Variants in CRMP1 observed in about 807,000 individuals in gnomAD.
CRMP1 encodes the protein collapsin response mediator protein 1, also known as dihydropyrimidinase-related protein 1.
Under a neutral mutation model 68.3 loss-of-function variants are expected in CRMP1, and 19 were observed. The ratio of observed to expected loss-of-function variants is 0.28; its 90% CI spans 0.19 to 0.41. The LOEUF is 0.41. Ranked by LOEUF, CRMP1 falls within the 10% of genes least tolerant of loss-of-function variation. The pLI, the probability that CRMP1 is intolerant of heterozygous loss-of-function variation, is 1.00. For synonymous variants in CRMP1, 439 were observed against 399.6 expected, an observed-to-expected ratio of 1.10 and a Z score of -1.18; for missense variants, 791 against 967.4, an observed-to-expected ratio of 0.82 and a Z score of 2.42.
At position 5,839,624 on chromosome 4, in the gene CRMP1, T is replaced by C. The variant is rs775497450; in HGVS notation, c.1208A>G (p.His403Arg). 6.2e-7 allele frequency: 1 copy of C among 1,613,228 alleles called. No homozygotes were observed. The stretch of plus-strand genomic sequence containing the variant: ...CTTGGCCCAGTTCTTGCTCCAGTAA[T>C]GGGTGCCATCGGTCCCCAGGCTGGC... ...IAASLGTDGT[H>R]YWSKNWAKAA... is the part of the protein sequence containing the mutation. Residue 403 changes from histidine (H) to arginine (R), a missense_variant, in exon 9 of 14, where the codon CAT becomes CGT. Around this residue, in one of 3 missense-constraint regions of CRMP1, gnomAD observed 594 missense variants for 763.6 expected, o/e 0.78. Coordinates refer to ENST00000324989, the MANE Select transcript of CRMP1 (RefSeq NM_001014809.3).
intron 1 of CRMP1, among the ~76,000 whole-genome samples, chr4:5,874,162 A>C (rs951955074): frequency 1.3e-5 from 2 of 152,206 alleles, no homozygotes; most frequent in South Asian, 2.1e-4. Flanking sequence ...AATATCCAAA[A>C]CAGGGTCACA....
rs114088227 is a variant in CRMP1 at position 5,825,998 on chromosome 4, C to A, written c.1804-339G>T. 8.6e-6 allele frequency: 3 copies of A among 347,896 alleles called. No individual in the cohort carries two copies. Among genetic ancestry groups the A allele is most frequent in the Non-Finnish European group, 1.6e-5 (3 of 193,122 alleles). The allele number at this position is 347,896 out of a possible 1,614,324, so 21.6% of individuals were successfully genotyped here. ...AAACAGGCCTACACAGTAGCATACA[C>A]GCGTGAACACGCACACACACTTAAA... On this transcript the variant is annotated intron_variant, in intron 12 of 13. Coordinates refer to ENST00000324989, the MANE Select transcript of CRMP1 (RefSeq NM_001014809.3). This position sits in a 1 kb window ranked among gnomAD's most constrained non-coding sequence, Gnocchi z 4.4.
At position 5,851,433 on chromosome 4, in the gene CRMP1, T is replaced by C. The variant is rs1277243766; in HGVS notation, c.857A>G (p.Asp286Gly). The change falls in exon 5 of 14, where the codon GAT becomes GGT. Residue 286 changes from aspartate (D) to glycine (G), a missense_variant. Coordinates refer to ENST00000324989, the MANE Select transcript of CRMP1 (RefSeq NM_001014809.3). ...NSFQVYMAYK[D>G]VYQMSDSQLY... The stretch of plus-strand genomic sequence containing the variant: ...CTGGCTGTCGGACATTTGGTAGACA[T>C]CCTTATAGGCCATGTAGACTTGGAA... The C allele has an allele frequency of 1.3e-5, 21 of 1,614,086 alleles. No homozygotes were observed. Among genetic ancestry groups the C allele is most frequent in the Admixed American group, 3.3e-5 (2 of 60,008 alleles).
intron 13 of CRMP1, chr4:5,824,653 A>G (rs1274133788): frequency 1.1e-6 from 1 of 935,548 alleles, no homozygotes; most frequent in Admixed American, 6.3e-5. Flanking sequence ...GCTATTGAAT[A>G]TAACATCCTA....
intron 2 of CRMP1, among the ~76,000 whole-genome samples, chr4:5,864,776 A>G (rs540256929): frequency 2.0e-5 from 3 of 152,270 alleles, no homozygotes; most frequent in African/African-American, 7.2e-5. Context: ...GGACAGGGGA[A>G]AAGGTGTTCC....
intron 2 of CRMP1, among the ~76,000 whole-genome samples, chr4:5,863,233 C>G (rs1713721496): frequency 6.6e-6 from 1 of 151,298 alleles, no homozygotes; most frequent in Non-Finnish European, 1.5e-5. Context: ...TCTTTCTTAC[C>G]AGGCACAATC....
In CRMP1 at chr4:5,842,650, T is replaced by TCA. The variant is rs980624799; in HGVS notation, c.1032+441_1032+442dup. Among the ~76,000 whole-genome samples the TCA allele has an allele frequency of 2.7e-5, 4 of 149,878 alleles. No individual in the cohort carries two copies. The highest frequency in any genetic ancestry group is 2.0e-4 in the East Asian group (1 of 5,116). On this transcript the variant is annotated intron_variant, in intron 7 of 13. Transcript: ENST00000324989. The surrounding 1 kb of genome is among the most constrained non-coding windows in gnomAD (Gnocchi z 4.5). ...CACACACACACACGCACTGTCTCTC[T>TCA]CACACACACACACTAACATACACAC... is the stretch of plus-strand genomic sequence containing the variant.
At chr4:5,839,774 G>C in intron 8 of CRMP1, 96 bp from the exon 9 acceptor site, 2 of 1,385,036 alleles carry the variant, frequency 1.4e-6, no homozygotes, top group Admixed American at 4.9e-5. Context: ...GGGAGAACGG[G>C]GCTGGCTGAA....
At chr4:5,851,885 AGAG>A (rs1013535333) in intron 4 of CRMP1, among the ~76,000 whole-genome samples, 21 of 96,086 alleles carry the variant, frequency 2.2e-4, no homozygotes, top group East Asian at 1.0e-3. Context: ...AGGAAGAGGA[AGAG>A]GAGGAGGAAG....
chr4:5,845,097 T>C (rs1005183412), intron 6 of CRMP1, among the ~76,000 whole-genome samples: 1 of 152,206 alleles, frequency 6.6e-6, no homozygotes, highest in Non-Finnish European at 1.5e-5. Flanking sequence ...GAGCCGGACA[T>C]AAGACAGTGT....
intron 4 of CRMP1, among the ~76,000 whole-genome samples, chr4:5,852,805 G>T (rs990004639): frequency 1.2e-4 from 18 of 152,044 alleles, no homozygotes; most frequent in Non-Finnish European, 1.6e-4. Context: ...GGGGATGCAT[G>T]GGGGGGTTGC....
At position 5,853,588 on chromosome 4, in the gene CRMP1, C is replaced by T. The variant is rs576744173; in HGVS notation, c.821-2119G>A. On this transcript the variant is annotated intron_variant, in intron 4 of 13. Coordinates refer to ENST00000324989, the MANE Select transcript of CRMP1 (RefSeq NM_001014809.3). The surrounding 1 kb of genome is among the most constrained non-coding windows in gnomAD (Gnocchi z 4.7). ...CCATATGCTTCAGCAGTCCCACTAC[C>T]GGCTGAAAATCCAAAGGAATTGAAA... Among the ~76,000 whole-genome samples, 95 of 152,292 alleles carry T rather than the reference C, an allele frequency of 6.2e-4. 1 individual carries two copies. The highest frequency in any genetic ancestry group is 5.7e-3 in the Admixed American group (87 of 15,300).
At position 5,825,712 on chromosome 4, in the gene CRMP1, T is replaced by C. The variant is rs1719454802; in HGVS notation, c.1804-53A>G. ...GATCGACACTGTGCATGTGTGCCCTTCTGGGCAGATAAAGCAGAGCCCTGC... is the reference window on the plus strand; with the variant it reads ...GATCGACACTGTGCATGTGTGCCCTCCTGGGCAGATAAAGCAGAGCCCTGC... On this transcript the variant is annotated intron_variant, in intron 12 of 13. Coordinates refer to ENST00000324989, the MANE Select transcript of CRMP1 (RefSeq NM_001014809.3). The surrounding 1 kb of genome is among the most constrained non-coding windows in gnomAD (Gnocchi z 4.4). 1 of 1,572,732 alleles carries C rather than the reference T, an allele frequency of 6.4e-7. No individual in the cohort carries two copies.
intron 1 of CRMP1, among the ~76,000 whole-genome samples, chr4:5,882,967 C>T (rs1170070793): frequency 6.6e-6 from 1 of 152,204 alleles, no homozygotes; most frequent in African/African-American, 2.4e-5. Context: ...GTGCATTCTC[C>T]CTGATTTCCA....
At position 5,839,386 on chromosome 4, in the gene CRMP1, G is replaced by T. The variant is rs568088822; in HGVS notation, c.1310+136C>A. On this transcript the variant is annotated intron_variant, in intron 9 of 13. Coordinates refer to ENST00000324989, the MANE Select transcript of CRMP1 (RefSeq NM_001014809.3). The stretch of plus-strand genomic sequence containing the variant: ...AGGGCCTGTTGTAAGCCATATGAGC[G>T]CAGTCCTTGCAGAGCACGGGGCAGA... The T allele has an allele frequency of 6.5e-6, 7 of 1,071,686 alleles. No homozygotes were observed. The South Asian group carries it at 9.8e-5, about 15-fold the overall frequency. 66.4% of individuals were successfully genotyped at this position (1,071,686 alleles called of 1,614,324 possible).
At chr4:5,835,815 A>T (rs1720690581) in intron 11 of CRMP1, 100 bp downstream of exon 11, 1 of 1,294,814 alleles carries the variant, frequency 7.7e-7, no homozygotes, top group African/African-American at 1.5e-5. Flanking sequence ...ATCAGATCAC[A>T]TCCTAGTTGG....
In CRMP1 at chr4:5,842,978, G is replaced by T; in HGVS notation, c.1032+115C>A. ...AAAACAAGATGGTTTGGGATGGTCT[G>T]GGAGAGGACACGGGAAGAGGCCGGG... On this transcript the variant is annotated intron_variant, in intron 7 of 13. Coordinates refer to ENST00000324989, the MANE Select transcript of CRMP1 (RefSeq NM_001014809.3). The surrounding 1 kb of genome is among the most constrained non-coding windows in gnomAD (Gnocchi z 4.5). 1.0e-6 allele frequency: 1 copy of T among 969,878 alleles called. No individual in the cohort carries two copies. Among genetic ancestry groups the T allele is most frequent in the Non-Finnish European group, 1.6e-6 (1 of 611,392 alleles). The allele number at this position is 969,878 out of a possible 1,614,324, so 60.1% of individuals were successfully genotyped here. A position where few individuals can be genotyped will look rare whatever the true frequency, so the allele number is the denominator to read the frequency against.
Position 5,828,561 on chromosome 4 carries a change from C to G in CRMP1, c.1731G>C (p.Lys577Asn), listed in dbSNP as rs751088487. The G allele has an allele frequency of 4.3e-6, 7 of 1,614,098 alleles. No individual in the cohort carries two copies. In the Admixed American group the frequency reaches 8.3e-5, roughly 19 times the overall value. Reference sequence around the variant, plus strand: ...TCCGCGGAATGAAGCGGCCCATGCCCTTGTTGACGTTGATGTTTCCGTCTT... The same window carrying G: ...TCCGCGGAATGAAGCGGCCCATGCCGTTGTTGACGTTGATGTTTCCGTCTT... ...VFEDGNINVN[K>N]GMGRFIPRKA... The change falls in exon 12 of 14, where the codon AAG becomes AAC. Residue 577 changes from lysine to asparagine, a missense_variant. Lys to Asn is a moderately conservative substitution (Grantham distance 94, BLOSUM62 0). Transcript: ENST00000324989.
At position 5,889,633 on chromosome 4, in the gene CRMP1, C is replaced by T; in HGVS notation, c.381+2956G>A. The T allele has an allele frequency of 6.5e-7, 1 of 1,536,202 alleles. No individual in the cohort carries two copies. The highest frequency in any genetic ancestry group is 8.7e-7 in the Non-Finnish European group (1 of 1,146,926). ...CAGAATAAAACACCAACCTTGTCCACCACTTCGTTGTTCATTTTCTGCATG... is the reference window on the plus strand; with the variant it reads ...CAGAATAAAACACCAACCTTGTCCATCACTTCGTTGTTCATTTTCTGCATG... On this transcript the variant is annotated intron_variant, in intron 1 of 13. Coordinates refer to ENST00000324989, the MANE Select transcript of CRMP1 (RefSeq NM_001014809.3). The surrounding 1 kb of genome is among the most constrained non-coding windows in gnomAD (Gnocchi z 4.5).
Sources: gnomAD v4.1 joint callset for allele counts (sites outside exome capture counted in the v4.1 genomes callset) on GRCh38, gnomAD v4.1.1 for gene constraint, gnomAD v4.1.1 regional missense constraint, Gnocchi (gnomAD v3.1) non-coding constraint, MANE v1.5 for transcripts, NCBI Gene and HGNC (gene_info 2026-07-23, HGNC 2026-07-21) for gene names.